Variants in SGPP2 observed in about 807,000 individuals in gnomAD.
SGPP2 encodes sphingosine-1-phosphate phosphatase 2, also known as sphingosine 1-phosphate phosphohydrolase 2.
A neutral mutation model predicts 33.9 loss-of-function variants in SGPP2; 30 were observed. That is an observed-to-expected ratio of 0.89 (90% confidence interval 0.66 to 1.20). The LOEUF is 1.20. Among genes scored for constraint, SGPP2 ranks in the 50% most tolerant of loss-of-function variants. The probability of loss-of-function intolerance (pLI) is 0.00; values close to 1 mark genes in which losing one functional copy is unlikely to be tolerated. For missense variants in SGPP2, 458 were observed against 532.1 expected, an observed-to-expected ratio of 0.86 and a Z score of 1.37; for synonymous variants, 233 against 225.0, an observed-to-expected ratio of 1.04 and a Z score of -0.32.
At chr2:222,517,174 G>T (rs975571396) in intron 2 of SGPP2, among the ~76,000 whole-genome samples, 9 of 152,122 alleles carry the variant, frequency 5.9e-5, no homozygotes, top group Non-Finnish European at 1.2e-4. Flanking sequence ...GGTAGAAGAG[G>T]GTGGTCCCCT....
At position 222,477,039 on chromosome 2, in the gene SGPP2, A is replaced by G. The variant is rs1033311551; in HGVS notation, c.378+2313A>G. On this transcript the variant is annotated intron_variant, in intron 2 of 4. Transcript: ENST00000321276. This position sits in a 1 kb window ranked among gnomAD's most constrained non-coding sequence, Gnocchi z 6.0. ...TGTATATAGGTGTGTATATATGTGT[A>G]TGTGTGTATAGGTGTGTATATATGT... Among the ~76,000 whole-genome samples the G allele has an allele frequency of 2.1e-5, 3 of 146,204 alleles. No individual in the cohort carries two copies. The highest frequency in any genetic ancestry group is 5.5e-5 in the African/African-American group (2 of 36,538).
chr2:222,470,975 T>G lies in SGPP2; in HGVS notation c.220-3593T>G, dbSNP rs75170042. 3.6e-3 allele frequency among the ~76,000 whole-genome samples: 553 copies of G among 152,364 alleles called. 3 individuals are homozygous for G. Among genetic ancestry groups the G allele is most frequent in the African/African-American group, 0.013 (523 of 41,580 alleles). ...CTTAACTTGTCTCGGACCCTTGTCCTTGTTTTGCAAATGCAACCATGGTAT... is the reference window on the plus strand; with the variant it reads ...CTTAACTTGTCTCGGACCCTTGTCCGTGTTTTGCAAATGCAACCATGGTAT... On this transcript the variant is annotated intron_variant, in intron 1 of 4. Transcript: ENST00000321276.
chr2:222,534,765 G>A (rs1021615583), intron 4 of SGPP2, among the ~76,000 whole-genome samples: 1 of 152,152 alleles, frequency 6.6e-6, no homozygotes, highest in African/African-American at 2.4e-5. Context: ...CACTATGTTA[G>A]TATGTCACTG....
intron 1 of SGPP2, among the ~76,000 whole-genome samples, chr2:222,451,492 C>A (rs183314017): frequency 2.6e-5 from 4 of 152,254 alleles, no homozygotes; most frequent in Admixed American, 1.3e-4. Flanking sequence ...AAACCCTACA[C>A]GCTCTGTGTG....
At chr2:222,459,142 C>CTTTTTTTTTTTTTTTTT (rs1164145783) in intron 1 of SGPP2, among the ~76,000 whole-genome samples, 12 of 94,462 alleles carry the variant, frequency 1.3e-4, no homozygotes, top group East Asian at 2.8e-4. Context: ...TTCTTTCTTT[C>CTTTTTTTTTTTTTTTTT]TTTTTTTTTT....
At chr2:222,455,075 A>G (rs1027030040) in intron 1 of SGPP2, among the ~76,000 whole-genome samples, 6 of 151,286 alleles carry the variant, frequency 4.0e-5, no homozygotes, top group African/African-American at 1.5e-4. Context: ...CAGGTACAAG[A>G]GTAAGAGAAT....
rs951329521 is a variant in SGPP2, at chr2:222,477,035, GTGTA to G, written c.378+2313_378+2316del. ...TGTATGTATATAGGTGTGTATATAT[GTGTA>G]TGTGTGTATAGGTGTGTATATATGT... On this transcript the variant is annotated intron_variant, in intron 2 of 4. Coordinates refer to ENST00000321276, the MANE Select transcript of SGPP2 (RefSeq NM_152386.4). This position sits in a 1 kb window ranked among gnomAD's most constrained non-coding sequence, Gnocchi z 6.0. Among the ~76,000 whole-genome samples the G allele has an allele frequency of 1.2e-4, 17 of 146,872 alleles. No individual in the cohort carries two copies. The highest frequency in any genetic ancestry group is 2.5e-4 in the Non-Finnish European group (17 of 67,820).
intron 1 of SGPP2, among the ~76,000 whole-genome samples, chr2:222,447,572 C>T (rs1227919918): frequency 6.6e-6 from 1 of 152,050 alleles, no homozygotes; most frequent in African/African-American, 2.4e-5. Context: ...TGTTGCAGAA[C>T]CATAGAGGGA....
chr2:222,490,903 G>C (rs1228476115), intron 2 of SGPP2, among the ~76,000 whole-genome samples: 1 of 152,014 alleles, frequency 6.6e-6, no homozygotes, highest in Non-Finnish European at 1.5e-5. Flanking sequence ...GGTTCGTCTT[G>C]TAACCCTGAA....
chr2:222,436,193 C>T (rs971528062), intron 1 of SGPP2, among the ~76,000 whole-genome samples: 2 of 152,158 alleles, frequency 1.3e-5, no homozygotes, highest in African/African-American at 4.8e-5. Context: ...ATCTTAACTT[C>T]CAGTTTAATG....
chr2:222,517,663 A>G (rs562159593), intron 2 of SGPP2, among the ~76,000 whole-genome samples: 2 of 152,362 alleles, frequency 1.3e-5, no homozygotes, highest in South Asian at 4.1e-4. Context: ...TAGCATGCCC[A>G]CTGGGGCTTT....
chr2:222,437,656 T>G (rs1574830312), intron 1 of SGPP2, among the ~76,000 whole-genome samples: 1 of 152,182 alleles, frequency 6.6e-6, no homozygotes, highest in Admixed American at 6.5e-5. Context: ...CATTTGATGA[T>G]GGAATGCTGC....
At chr2:222,537,812 C>A (rs1698936257) in intron 4 of SGPP2, among the ~76,000 whole-genome samples, 1 of 152,106 alleles carries the variant, frequency 6.6e-6, no homozygotes, top group Non-Finnish European at 1.5e-5. Flanking sequence ...AAGGATTTAT[C>A]CAATGAAATG....
At chr2:222,487,499 T>G (rs1011917923) in intron 2 of SGPP2, among the ~76,000 whole-genome samples, 2 of 152,116 alleles carry the variant, frequency 1.3e-5, no homozygotes, top group Non-Finnish European at 2.9e-5. Flanking sequence ...AAAATACTGG[T>G]GGTGATGCAT....
In SGPP2 at chr2:222,424,716, C is replaced by T. The variant is rs1427483208; in HGVS notation, c.114C>T (p.Pro38=). 2 of 1,441,348 alleles carry T rather than the reference C, an allele frequency of 1.4e-6. No homozygotes were observed. Among genetic ancestry groups the T allele is most frequent in the Non-Finnish European group, 1.8e-6 (2 of 1,099,278 alleles). The allele number at this position is 1,441,348 out of a possible 1,614,324, so 89.3% of individuals were successfully genotyped here. A position where few individuals can be genotyped will look rare whatever the true frequency, so the allele number is the denominator to read the frequency against. ...DEGPRENGAD[P]TERAARVPGV... ...GCCCCCGGGAGAACGGCGCGGACCC[C>T]ACGGAGCGCGCGGCGCGGGTCCCCG... The change falls in exon 1 of 5, where the codon CCC becomes CCT. Residue 38 remains proline (P), a synonymous_variant. Transcript: ENST00000321276.
At chr2:222,489,687 G>A (rs960725898) in intron 2 of SGPP2, among the ~76,000 whole-genome samples, 18 of 152,040 alleles carry the variant, frequency 1.2e-4, no homozygotes, top group Admixed American at 3.9e-4. Flanking sequence ...CTCTGTGGGC[G>A]GTGTGCGGTG....
At chr2:222,472,587 CG>C (rs1468648596) in intron 1 of SGPP2, among the ~76,000 whole-genome samples, 1 of 152,122 alleles carries the variant, frequency 6.6e-6, no homozygotes, top group Non-Finnish European at 1.5e-5. Context: ...ATTGTAGAAA[CG>C]TAAGCTGGGG....
intron 2 of SGPP2, among the ~76,000 whole-genome samples, chr2:222,518,711 G>A (rs1698641851): frequency 6.6e-6 from 1 of 152,210 alleles, no homozygotes; most frequent in Non-Finnish European, 1.5e-5. Flanking sequence ...TGGTTAAGTG[G>A]ATGGTAAAGA....
At position 222,458,048 on chromosome 2, in the gene SGPP2, G is replaced by C. The variant is rs184523348; in HGVS notation, c.220-16520G>C. On this transcript the variant is annotated intron_variant, in intron 1 of 4. Coordinates refer to ENST00000321276, the MANE Select transcript of SGPP2 (RefSeq NM_152386.4). Reference sequence around the variant, plus strand: ...CATTAAGTGTCTCTTTGTGTTTTTTGTTTTGTTTTTGTTTTTGTTTGTGAT... The same window carrying C: ...CATTAAGTGTCTCTTTGTGTTTTTTCTTTTGTTTTTGTTTTTGTTTGTGAT... Among the ~76,000 whole-genome samples, 256 of 152,028 alleles carry C rather than the reference G, an allele frequency of 1.7e-3. 2 individuals are homozygous for C. In the Middle Eastern group the frequency reaches 0.017, roughly 10 times the overall value.
Sources: gnomAD v4.1 joint callset for allele counts (sites outside exome capture counted in the v4.1 genomes callset) on GRCh38, gnomAD v4.1.1 for gene constraint, Gnocchi (gnomAD v3.1) non-coding constraint, MANE v1.5 for transcripts, NCBI Gene and HGNC (gene_info 2026-07-23, HGNC 2026-07-21) for gene names.